Variants in RCAN3 observed in about 807,000 individuals in gnomAD.
The protein encoded by RCAN3 is calcipressin-3.
Under a neutral mutation model 21.9 loss-of-function variants are expected in RCAN3, and 19 were observed. The ratio of observed to expected loss-of-function variants is 0.87; its 90% CI spans 0.61 to 1.27. RCAN3 has a LOEUF of 1.27. Among genes scored for constraint, RCAN3 ranks in the 50% most tolerant of loss-of-function variants. The pLI, the probability that RCAN3 is intolerant of heterozygous loss-of-function variation, is 0.00. For missense variants in RCAN3, 240 were observed against 300.1 expected (o/e 0.80, Z 1.48); for synonymous variants, 114 against 112.3 (o/e 1.01, Z -0.09).
chr1:24,531,122 A>G (rs1020368177), intron 2 of RCAN3, 96 bp from the exon 3 acceptor site: 1 of 846,238 alleles, frequency 1.2e-6, no homozygotes, highest in African/African-American at 2.3e-5. Context: ...ATGAGTTCTT[A>G]ATTAGGTTTC....
At chr1:24,514,010 A>C (rs1648094584) in intron 1 of RCAN3, among the ~76,000 whole-genome samples, 1 of 152,218 alleles carries the variant, frequency 6.6e-6, no homozygotes, top group African/African-American at 2.4e-5. Context: ...TATAAACTAG[A>C]ATACATATTG....
intron 4 of RCAN3, among the ~76,000 whole-genome samples, chr1:24,534,027 A>G (rs1167219441): frequency 6.6e-6 from 1 of 152,080 alleles, no homozygotes; most frequent in African/African-American, 2.4e-5. Context: ...TATTTTTGTC[A>G]TTTCTTTTTC....
rs1262081290 is a variant in RCAN3 at position 24,536,474 on chromosome 1, C to G, written c.*1197C>G. On this transcript the variant is annotated 3_prime_UTR_variant, in exon 5 of 5. Transcript: ENST00000374395. The stretch of plus-strand genomic sequence containing the variant: ...TGTACCTTTGAACTTCCCTAAGAAG[C>G]AGCAGGATCTTTTTAACTCTCTCTG... 1 of 152,206 alleles carries G rather than the reference C, an allele frequency of 6.6e-6. No individual in the cohort carries two copies. Among genetic ancestry groups the G allele is most frequent in the Non-Finnish European group, 1.5e-5 (1 of 68,044 alleles). The allele number at this position is 152,206 out of a possible 1,614,324, so 9.4% of individuals were successfully genotyped here.
intron 2 of RCAN3, among the ~76,000 whole-genome samples, chr1:24,526,710 C>T (rs1475198749): frequency 6.6e-6 from 1 of 152,134 alleles, no homozygotes; most frequent in Non-Finnish European, 1.5e-5. Flanking sequence ...TTAGTTCTTC[C>T]TTAATTTCCA....
At chr1:24,503,274 A>T (rs1647222001) in intron 1 of RCAN3, 124 bp downstream of exon 1, 1 of 145,966 alleles carries the variant, frequency 6.9e-6, no homozygotes, top group Admixed American at 6.8e-5. Flanking sequence ...GGGCACTCCG[A>T]GCCGCGGGAC....
rs145282398 is a variant in RCAN3 at position 24,508,245 on chromosome 1, C to A, written c.-60+5095C>A. On this transcript the variant is annotated intron_variant, in intron 1 of 4. Transcript: ENST00000374395. ...AGGGTATGTAGGCAGGAAAGACCAA[C>A]AGGTAGATCACAGGCTCTTGGGGAC... 2.9e-4 allele frequency among the ~76,000 whole-genome samples: 44 copies of A among 152,314 alleles called. No homozygotes were observed. In the East Asian group the frequency reaches 8.3e-3, roughly 29 times the overall value.
intron 2 of RCAN3, among the ~76,000 whole-genome samples, chr1:24,515,090 T>G (rs1161061849): frequency 6.6e-6 from 1 of 152,198 alleles, no homozygotes; most frequent in African/African-American, 2.4e-5. Context: ...TTCTTCTCCA[T>G]AGACACTTTA....
chr1:24,531,287 AG>A lies in RCAN3; in HGVS notation c.266del (p.Arg89LysfsTer4). ...VTFQLFKSFR[R>X]VRINFSKPEA... Reference sequence around the variant, plus strand: ...TTTTCAGCTGTTTAAAAGCTTTAGAAGAGTCAGAATAAATTTCAGCAAACCT... The same window carrying A: ...TTTTCAGCTGTTTAAAAGCTTTAGAAAGTCAGAATAAATTTCAGCAAACCT... On this transcript the variant is annotated frameshift_variant, in exon 3 of 5. Coordinates refer to ENST00000374395, the MANE Select transcript of RCAN3 (RefSeq NM_013441.4). LOFTEE classifies it high-confidence loss of function. The A allele has an allele frequency of 6.2e-7, 1 of 1,613,850 alleles. No individual in the cohort carries two copies. Among genetic ancestry groups the A allele is most frequent in the Non-Finnish European group, 8.5e-7 (1 of 1,179,848 alleles).
chr1:24,534,300 A>G (rs370581992), intron 4 of RCAN3, among the ~76,000 whole-genome samples: 4 of 152,134 alleles, frequency 2.6e-5, no homozygotes, highest in African/African-American at 7.2e-5. Context: ...AACTGAAACC[A>G]TTATGATGTC....
intron 1 of RCAN3, among the ~76,000 whole-genome samples, chr1:24,503,765 G>GGA (rs1420138586): frequency 6.6e-6 from 1 of 152,178 alleles, no homozygotes; most frequent in Non-Finnish European, 1.5e-5. Flanking sequence ...ATACAAACAA[G>GGA]GATTATTTAA....
chr1:24,508,925 C>T (rs1000045990), intron 1 of RCAN3, among the ~76,000 whole-genome samples: 8 of 152,162 alleles, frequency 5.3e-5, no homozygotes, highest in African/African-American at 9.7e-5. Flanking sequence ...CTTTAGGAGG[C>T]TGAGGCGAGT....
intron 2 of RCAN3, among the ~76,000 whole-genome samples, chr1:24,515,693 C>T (rs2148897412): frequency 6.6e-6 from 1 of 152,302 alleles, no homozygotes; most frequent in Non-Finnish European, 1.5e-5. Flanking sequence ...ACTTGAGTGC[C>T]TACGGTGTGC....
chr1:24,533,637 T>G (rs1557580463), intron 4 of RCAN3, among the ~76,000 whole-genome samples: 1 of 151,998 alleles, frequency 6.6e-6, no homozygotes, highest in Non-Finnish European at 1.5e-5. Context: ...CCGTCTCTAC[T>G]AAAATATAAA....
chr1:24,512,988 A>T (rs1281740839), intron 1 of RCAN3, among the ~76,000 whole-genome samples: 1 of 152,196 alleles, frequency 6.6e-6, no homozygotes, highest in Non-Finnish European at 1.5e-5. Context: ...CTGTAATCCC[A>T]GCGCTTTAGG....
intron 1 of RCAN3, among the ~76,000 whole-genome samples, chr1:24,504,020 T>C (rs1158399243): frequency 6.6e-6 from 1 of 152,240 alleles, no homozygotes; most frequent in African/African-American, 2.4e-5. Context: ...GAGCCAGATA[T>C]GCATCACACA....
intron 2 of RCAN3, among the ~76,000 whole-genome samples, chr1:24,529,376 G>T (rs1649556015): frequency 6.6e-6 from 1 of 150,808 alleles, no homozygotes; most frequent in African/African-American, 2.4e-5. Context: ...AACATAGCGA[G>T]ACTTCATCTC....
chr1:24,522,433 G>C (rs1404875499), intron 2 of RCAN3, among the ~76,000 whole-genome samples: 1 of 152,234 alleles, frequency 6.6e-6, no homozygotes, highest in East Asian at 1.9e-4. Flanking sequence ...CCCTCAACCA[G>C]TGGAAAACTA....
In RCAN3 at chr1:24,538,094, A is replaced by G; in HGVS notation, c.*2817A>G. ...AGGATAGTCACAGAACCGACGCTGC[A>G]TTGGCTCTTAGGTTCTAGATTTTTG... On this transcript the variant is annotated 3_prime_UTR_variant, in exon 5 of 5. Coordinates refer to ENST00000374395, the MANE Select transcript of RCAN3 (RefSeq NM_013441.4). The G allele has an allele frequency of 6.6e-6, 1 of 152,234 alleles. No individual in the cohort carries two copies. Among genetic ancestry groups the G allele is most frequent in the Admixed American group, 6.5e-5 (1 of 15,272 alleles). 9.4% of individuals were successfully genotyped at this position (152,234 alleles called of 1,614,324 possible).
intron 2 of RCAN3, among the ~76,000 whole-genome samples, chr1:24,528,196 A>C (rs767758632): frequency 4.6e-5 from 7 of 151,538 alleles, no homozygotes. Context: ...AGCATCTTTC[A>C]TGGGAATTTC....
Sources: gnomAD v4.1 joint callset for allele counts (sites outside exome capture counted in the v4.1 genomes callset) on GRCh38, gnomAD v4.1.1 for gene constraint, MANE v1.5 for transcripts, NCBI Gene and HGNC (gene_info 2026-07-23, HGNC 2026-07-21) for gene names.